CSMD1: variants seen among roughly 807,000 people sequenced by gnomAD.
CSMD1 encodes CUB and sushi domain-containing protein 1.
A neutral mutation model predicts 417.5 loss-of-function variants in CSMD1; 213 were observed. That is an observed-to-expected ratio of 0.51 (90% confidence interval 0.46 to 0.57). CSMD1 has a LOEUF of 0.57. CSMD1 is among the 20% of genes least tolerant of loss of function. The pLI is 0.00. For missense variants in CSMD1, 6,923 were observed against 4,529.7 expected (o/e 1.53, Z -15.17); for synonymous variants, 2,862 against 1,736.8 (o/e 1.65, Z -16.11).
chr8:3,596,116 T>A (rs1370868316), intron 8 of CSMD1, among the ~76,000 whole-genome samples: 2 of 152,140 alleles, frequency 1.3e-5, no homozygotes, highest in Admixed American at 6.5e-5. Context: ...CGGATCATGC[T>A]CTTTGCTCTG....
At chr8:4,364,456 A>G (rs999621314) in intron 3 of CSMD1, among the ~76,000 whole-genome samples, 3 of 152,132 alleles carry the variant, frequency 2.0e-5, no homozygotes, top group African/African-American at 7.2e-5. Flanking sequence ...TTCCAAAGTA[A>G]TCTATTTTTA....
intron 5 of CSMD1, among the ~76,000 whole-genome samples, chr8:3,909,934 G>A (rs189045526): frequency 1.3e-5 from 2 of 152,152 alleles, no homozygotes; most frequent in African/African-American, 2.4e-5. Context: ...ATTAGACAAG[G>A]AAGAAAAAAT....
intron 63 of CSMD1, among the ~76,000 whole-genome samples, chr8:2,956,872 CAT>C (rs907405148): frequency 9.2e-5 from 14 of 151,996 alleles, no homozygotes; most frequent in African/African-American, 2.9e-4. Context: ...TATAAACATG[CAT>C]ATATATATGT....
At chr8:3,398,036 C>G (rs1311443917) in intron 16 of CSMD1, among the ~76,000 whole-genome samples, 1 of 152,070 alleles carries the variant, frequency 6.6e-6, no homozygotes, top group African/African-American at 2.4e-5. Flanking sequence ...TGGAATTTAG[C>G]AAAACATCAC....
At chr8:3,812,989 C>G (rs55959080) in intron 5 of CSMD1, among the ~76,000 whole-genome samples, 8,064 of 151,870 alleles carry the variant, frequency 0.053, 256 homozygotes, top group Middle Eastern at 0.079. Flanking sequence ...GGGAGGAAAT[C>G]TGGAATTAAC....
rs148156756 is a variant in CSMD1 at position 4,098,221 on chromosome 8, A to T, written c.416-66122T>A. Among the ~76,000 whole-genome samples, 281 of 152,348 alleles carry T rather than the reference A, an allele frequency of 1.8e-3. 4 individuals carry two copies. In the East Asian group the frequency reaches 0.019, roughly 10 times the overall value. On this transcript the variant is annotated intron_variant, in intron 3 of 69. Coordinates refer to ENST00000635120, the MANE Select transcript of CSMD1 (RefSeq NM_033225.6). ...ACACAATTCTATACACATACTTTGA[A>T]TAGAATCTAATTATATTACAATAAA...
At chr8:3,506,147 G>C (rs558507387) in intron 10 of CSMD1, among the ~76,000 whole-genome samples, 2 of 152,150 alleles carry the variant, frequency 1.3e-5, no homozygotes, top group East Asian at 1.9e-4. Flanking sequence ...AGCAGAGGAA[G>C]TGCCAGGGAG....
intron 3 of CSMD1, among the ~76,000 whole-genome samples, chr8:4,157,113 T>C (rs1157437748): frequency 6.6e-6 from 1 of 152,140 alleles, no homozygotes; most frequent in African/African-American, 2.4e-5. Flanking sequence ...GCCTATCTTG[T>C]GGAAACCCTA....
chr8:3,923,048 C>G (rs766096477), intron 5 of CSMD1, among the ~76,000 whole-genome samples: 1 of 152,154 alleles, frequency 6.6e-6, no homozygotes, highest in Non-Finnish European at 1.5e-5. Flanking sequence ...ATTGCAAAAA[C>G]AAGTTGACCC....
At chr8:4,384,359 G>A (rs1803304460) in intron 3 of CSMD1, among the ~76,000 whole-genome samples, 1 of 152,140 alleles carries the variant, frequency 6.6e-6, no homozygotes, top group Non-Finnish European at 1.5e-5. Context: ...CAACGCATCT[G>A]AGGCCCATCA....
intron 3 of CSMD1, among the ~76,000 whole-genome samples, chr8:4,079,583 A>G (rs1003903239): frequency 6.6e-6 from 1 of 152,218 alleles, no homozygotes; most frequent in Non-Finnish European, 1.5e-5. Flanking sequence ...AAGTAAAAAC[A>G]CTTTATTAGG....
chr8:3,958,574 T>G (rs759200056), intron 5 of CSMD1, among the ~76,000 whole-genome samples: 1 of 152,220 alleles, frequency 6.6e-6, no homozygotes, highest in Non-Finnish European at 1.5e-5. Context: ...CTCATTTATC[T>G]GCTTGTTCTT....
chr8:4,160,576 C>A (rs1381075850), intron 3 of CSMD1, among the ~76,000 whole-genome samples: 1 of 152,202 alleles, frequency 6.6e-6, no homozygotes. Context: ...TCTCATCTTG[C>A]ATGAGGCTGA....
At position 3,542,111 on chromosome 8, in the gene CSMD1, C is replaced by T. The variant is rs557455582; in HGVS notation, c.1344+32834G>A. Reference sequence around the variant, plus strand: ...GCTCTATAGTCTTTAAAAAATTCAACAGAGACTCTTTTATTTCCTATGGAA... The same window carrying T: ...GCTCTATAGTCTTTAAAAAATTCAATAGAGACTCTTTTATTTCCTATGGAA... On this transcript the variant is annotated intron_variant, in intron 10 of 69. Coordinates refer to ENST00000635120, the MANE Select transcript of CSMD1 (RefSeq NM_033225.6). 3.3e-5 allele frequency among the ~76,000 whole-genome samples: 5 copies of T among 152,304 alleles called. No homozygotes were observed. The East Asian group carries it at 9.6e-4, about 29-fold the overall frequency.
At chr8:3,539,248 C>A (rs1585327752) in intron 10 of CSMD1, among the ~76,000 whole-genome samples, 1 of 152,194 alleles carries the variant, frequency 6.6e-6, no homozygotes, top group Non-Finnish European at 1.5e-5. Flanking sequence ...ATCCTTCAGT[C>A]ACTCTCTCCT....
chr8:4,301,358 C>T (rs910278934), intron 3 of CSMD1, among the ~76,000 whole-genome samples: 3 of 152,182 alleles, frequency 2.0e-5, no homozygotes, highest in Non-Finnish European at 4.4e-5. Flanking sequence ...TTTGACTGTA[C>T]CACTTCCAGC....
At chr8:4,187,655 A>C (rs1798764088) in intron 3 of CSMD1, among the ~76,000 whole-genome samples, 2 of 135,056 alleles carry the variant, frequency 1.5e-5, no homozygotes, top group South Asian at 2.5e-4. Context: ...CAGCCTGGGC[A>C]ACAAGAGTGA....
In CSMD1 at chr8:4,578,332, A is replaced by ATTTTTCTTTTTTTTTTTTTTTTT. The variant is rs1799238990; in HGVS notation, c.302+59009_302+59010insAAAAAAAAAAAAAAAAAGAAAAA. Among the ~76,000 whole-genome samples, 4 of 48,774 alleles carry ATTTTTCTTTTTTTTTTTTTTTTT rather than the reference A, an allele frequency of 8.2e-5. 1 individual carries two copies. Among genetic ancestry groups the ATTTTTCTTTTTTTTTTTTTTTTT allele is most frequent in the African/African-American group, 3.1e-4 (4 of 13,092 alleles). 32.0% of individuals were successfully genotyped at this position (48,774 alleles called of 152,430 possible). ...AGGCACCTGCCACGACACCCGGCTCATTTTTTTTTTTTTTTTTTTTTTTTT... is the reference window on the plus strand; with the variant it reads ...AGGCACCTGCCACGACACCCGGCTCATTTTTCTTTTTTTTTTTTTTTTTTTTTTTTTTTTTTTTTTTTTTTTTT... On this transcript the variant is annotated intron_variant, in intron 2 of 69. Transcript: ENST00000635120.
At chr8:4,121,754 T>A (rs975049610) in intron 3 of CSMD1, among the ~76,000 whole-genome samples, 1 of 152,080 alleles carries the variant, frequency 6.6e-6, no homozygotes, top group Non-Finnish European at 1.5e-5. Flanking sequence ...ACAGCATTAA[T>A]TTGCACAAAA....
Sources: gnomAD v4.1 joint callset for allele counts (sites outside exome capture counted in the v4.1 genomes callset) on GRCh38, gnomAD v4.1.1 for gene constraint, MANE v1.5 for transcripts, NCBI Gene and HGNC (gene_info 2026-07-23, HGNC 2026-07-21) for gene names.